Variants in PTPRG observed in about 807,000 individuals in gnomAD.
PTPRG encodes the protein protein tyrosine phosphatase receptor type G.
Under a neutral mutation model 165.3 loss-of-function variants are expected in PTPRG, and 102 were observed. The ratio of observed to expected loss-of-function variants is 0.62; its 90% CI spans 0.53 to 0.73. The LOEUF (loss-of-function observed/expected upper bound fraction) is 0.73, where lower values mean the gene tolerates loss of function less well. Ranked by LOEUF, PTPRG falls within the 30% of genes least tolerant of loss-of-function variation. The pLI is 0.00. For synonymous variants in PTPRG, 675 were observed against 669.5 expected (o/e 1.01, Z -0.13); for missense variants, 1,866 against 1,861.4 (o/e 1.00, Z -0.05).
chr3:61,876,843 A>C (rs1394223105), intron 2 of PTPRG, among the ~76,000 whole-genome samples: 1 of 152,176 alleles, frequency 6.6e-6, no homozygotes, highest in Non-Finnish European at 1.5e-5. Context: ...CAATATATAT[A>C]CTTCTGCCTA....
At chr3:61,808,432 T>C (rs1357299139) in intron 2 of PTPRG, among the ~76,000 whole-genome samples, 1 of 152,054 alleles carries the variant, frequency 6.6e-6, no homozygotes, top group South Asian at 2.1e-4. Flanking sequence ...TTTTTTTTCA[T>C]CCACCCCAGA....
chr3:62,137,263 A>G (rs932306198), intron 6 of PTPRG, among the ~76,000 whole-genome samples: 2 of 152,176 alleles, frequency 1.3e-5, no homozygotes, highest in Non-Finnish European at 2.9e-5. Flanking sequence ...AGCAGTTGCA[A>G]GTGGCCATTT....
intron 5 of PTPRG, among the ~76,000 whole-genome samples, chr3:62,108,900 G>C (rs576279971): frequency 6.6e-6 from 1 of 151,986 alleles, no homozygotes; most frequent in South Asian, 2.1e-4. Flanking sequence ...TTTTTTTCTT[G>C]TAAATTTGTT....
intron 2 of PTPRG, among the ~76,000 whole-genome samples, chr3:61,888,816 TA>T (rs2038128679): frequency 1.3e-5 from 2 of 152,238 alleles, no homozygotes; most frequent in Admixed American, 6.5e-5. Context: ...CATGTCTTTT[TA>T]GTCTCTCTTA....
intron 2 of PTPRG, among the ~76,000 whole-genome samples, chr3:61,931,863 A>C (rs2039370016): frequency 6.6e-6 from 1 of 152,234 alleles, no homozygotes; most frequent in African/African-American, 2.4e-5. Flanking sequence ...GTTTAATAAC[A>C]AAATCGTGTT....
At chr3:61,953,395 C>A (rs1257869130) in intron 2 of PTPRG, among the ~76,000 whole-genome samples, 1 of 152,146 alleles carries the variant, frequency 6.6e-6, no homozygotes, top group South Asian at 2.1e-4. Context: ...TGGTCAATTT[C>A]GCCATTATTG....
At chr3:61,866,136 G>GCACC (rs1379995423) in intron 2 of PTPRG, among the ~76,000 whole-genome samples, 1 of 152,182 alleles carries the variant, frequency 6.6e-6, no homozygotes, top group Non-Finnish European at 1.5e-5. Context: ...AAGTCATGCA[G>GCACC]CACCGGTCCT....
intron 5 of PTPRG, among the ~76,000 whole-genome samples, chr3:62,087,279 G>A (rs1260972644): frequency 6.6e-6 from 1 of 152,128 alleles, no homozygotes; most frequent in Non-Finnish European, 1.5e-5. Flanking sequence ...TCAATCCAGC[G>A]ACTTTGTTTT....
chr3:62,281,538 C>CTTCTTTTTTTTTTTTTTT (rs373128198), intron 26 of PTPRG, 25 bp from the exon 27 acceptor site: 2 of 497,856 alleles, frequency 4.0e-6, no homozygotes, highest in African/African-American at 7.4e-5. Context: ...ACTGCAGAGG[C>CTTCTTTTTTTTTTTTTTT]TTTTTTTTTT....
At chr3:61,782,896 G>C (rs1396355294) in intron 2 of PTPRG, among the ~76,000 whole-genome samples, 3 of 152,070 alleles carry the variant, frequency 2.0e-5, no homozygotes, top group Non-Finnish European at 4.4e-5. Context: ...TCAAACTCCT[G>C]GGCTCAAGTG....
intron 1 of PTPRG, among the ~76,000 whole-genome samples, chr3:61,595,085 A>G (rs747116544): frequency 2.0e-5 from 3 of 151,664 alleles, no homozygotes; most frequent in African/African-American, 7.3e-5. Flanking sequence ...ATGACGGTCT[A>G]CGTTCTTTGG....
chr3:61,657,351 G>T (rs1295406472), intron 1 of PTPRG, among the ~76,000 whole-genome samples: 4 of 152,158 alleles, frequency 2.6e-5, no homozygotes, highest in Non-Finnish European at 4.4e-5. Flanking sequence ...GGGGAGAAGG[G>T]ATGAGAGAGG....
rs1358804135 is a variant in PTPRG at position 62,245,601 on chromosome 3, T to C, written c.2467+1703T>C. Among the ~76,000 whole-genome samples, 1 of 152,160 alleles carries C rather than the reference T, an allele frequency of 6.6e-6. No homozygotes were observed. On this transcript the variant is annotated intron_variant, in intron 15 of 29. Transcript: ENST00000474889. This position sits in a 1 kb window ranked among gnomAD's most constrained non-coding sequence, Gnocchi z 4.2. ...AATCTTTGTTCAGTGCCTTCACCTC[T>C]CTGAACCTTAGTTTCCAGAATCTGT... is the stretch of plus-strand genomic sequence containing the variant.
chr3:61,887,564 C>CA (rs1399789895), intron 2 of PTPRG, among the ~76,000 whole-genome samples: 2 of 152,114 alleles, frequency 1.3e-5, no homozygotes, highest in African/African-American at 4.8e-5. Flanking sequence ...TCATGAAATT[C>CA]TGGGAACTTT....
At chr3:61,990,899 C>CTT (rs10662494) in intron 3 of PTPRG, among the ~76,000 whole-genome samples, 49,875 of 138,966 alleles carry the variant, frequency 0.36, 8,997 homozygotes, top group African/African-American at 0.43. Flanking sequence ...ACAAAGTTGC[C>CTT]TTTTTTTTTT....
At chr3:62,241,662 T>C (rs528361654) in intron 14 of PTPRG, among the ~76,000 whole-genome samples, 1 of 152,008 alleles carries the variant, frequency 6.6e-6, no homozygotes, top group East Asian at 1.9e-4. Flanking sequence ...CAATATAGTA[T>C]ATATATATAT....
intron 1 of PTPRG, among the ~76,000 whole-genome samples, chr3:61,678,521 C>G (rs1393381061): frequency 6.6e-6 from 1 of 152,112 alleles, no homozygotes; most frequent in Non-Finnish European, 1.5e-5. Context: ...GAAGTGCAGT[C>G]CATTGTAGCT....
intron 5 of PTPRG, among the ~76,000 whole-genome samples, chr3:62,117,023 A>G (rs1702891486): frequency 6.6e-6 from 1 of 152,192 alleles, no homozygotes; most frequent in African/African-American, 2.4e-5. Context: ...AAACACACAT[A>G]CTACATTCAC....
In PTPRG at chr3:61,748,939, C is replaced by A; in HGVS notation, c.147C>A (p.Ile49=). The A allele has an allele frequency of 6.2e-7, 1 of 1,612,292 alleles. No homozygotes were observed. Among genetic ancestry groups the A allele is most frequent in the Non-Finnish European group, 8.5e-7 (1 of 1,179,234 alleles). The change falls in exon 2 of 30, where the codon ATC becomes ATA. Residue 49 remains isoleucine (I), a synonymous_variant. Coordinates refer to ENST00000474889, the MANE Select transcript of PTPRG (RefSeq NM_002841.4). ...ATAGACACGGCAGCGCAGTGCAGATCCGCAGGCGCAAGGCTTCAGGCGACC... is the reference window on the plus strand; with the variant it reads ...ATAGACACGGCAGCGCAGTGCAGATACGCAGGCGCAAGGCTTCAGGCGACC... The part of the protein sequence containing the change: ...HENRHGSAVQ[I]RRRKASGDPY...
Sources: gnomAD v4.1 joint callset for allele counts (sites outside exome capture counted in the v4.1 genomes callset) on GRCh38, gnomAD v4.1.1 for gene constraint, Gnocchi (gnomAD v3.1) non-coding constraint, MANE v1.5 for transcripts, NCBI Gene and HGNC (gene_info 2026-07-23, HGNC 2026-07-21) for gene names.